Variants in DNMT1 observed in about 807,000 individuals in gnomAD.
DNMT1 encodes the protein DNA methyltransferase 1.
DNMT1 carries 24 observed loss-of-function variants against 205.3 expected under a neutral mutation model. The observed-to-expected ratio is 0.12, with a 90% CI of 0.08 to 0.16. The LOEUF (loss-of-function observed/expected upper bound fraction) is 0.16. DNMT1 is among the 10% of genes least tolerant of loss of function. The probability of loss-of-function intolerance (pLI) is 1.00; values close to 1 mark genes in which losing one functional copy is unlikely to be tolerated. For missense variants in DNMT1, 1,293 were observed against 2,177.7 expected (o/e 0.59, Z 8.09); for synonymous variants, 817 against 839.8 (o/e 0.97, Z 0.47).
rs2089649157 is a variant in DNMT1 at position 10,143,850 on chromosome 19, C to T, written c.3032G>A (p.Arg1011Gln). 2 of 1,614,114 alleles carry T rather than the reference C, an allele frequency of 1.2e-6. No homozygotes were observed. Among genetic ancestry groups the T allele is most frequent in the Non-Finnish European group, 1.7e-6 (2 of 1,180,018 alleles). Residue 1011 changes from arginine to glutamine, a missense_variant, in exon 29 of 41, where the codon CGG (arginine) becomes CAG (glutamine). This residue lies in a region of DNMT1 where 167 missense variants were observed against 258.1 expected (regional missense o/e 0.65). Transcript: ENST00000359526. ...LDAPEPYRIG[R>Q]IKEIFCPKKS... ...CTTGGGACAGAAGATCTCTTTGATC[C>T]GGCCAATTCGGTAGGGCTCAGGGGC...
chr19:10,137,953 G>C lies in DNMT1; in HGVS notation c.4172C>G (p.Pro1391Arg), dbSNP rs1382078791. 1.2e-6 allele frequency: 2 copies of C among 1,611,712 alleles called. No individual in the cohort carries two copies. Among genetic ancestry groups the C allele is most frequent in the Non-Finnish European group, 1.7e-6 (2 of 1,179,232 alleles). ...ITVRDTMSDL[P>R]EVRNGASALE... ...TGCCGAGGCTCCATTCCGCACCTCC[G>C]GCAGGTCGGACATCGTGTCTCGCAC... The change falls in exon 36 of 41, where the codon CCG (proline) becomes CGG (arginine). Residue 1391 changes from proline (P) to arginine (R), a missense_variant. Physicochemically the swap from Pro to Arg is moderately radical, Grantham distance 103 (BLOSUM62 -2). Coordinates refer to ENST00000359526, the MANE Select transcript of DNMT1 (RefSeq NM_001130823.3). The surrounding 1 kb of genome is among the most constrained non-coding windows in gnomAD (Gnocchi z 6.4).
At chr19:10,139,914 C>G (rs974704900) in intron 33 of DNMT1, 97 bp from the exon 34 acceptor site, 2 of 1,575,184 alleles carry the variant, frequency 1.3e-6, no homozygotes, top group Non-Finnish European at 1.7e-6. Context: ...TTATCAAAGT[C>G]TCTCCCTGGT....
At chr19:10,173,745 G>T in intron 8 of DNMT1, 126 bp downstream of exon 8, 1 of 999,874 alleles carries the variant, frequency 1.0e-6, no homozygotes, top group Non-Finnish European at 1.6e-6. Flanking sequence ...GCCCATCTTG[G>T]CCTCCCAAAG....
intron 1 of DNMT1, among the ~76,000 whole-genome samples, chr19:10,193,665 CA>C (rs35583463): frequency 0.18 from 19,416 of 105,912 alleles, 1,735 homozygotes; most frequent in East Asian, 0.46. Context: ...ACCCAGCCTT[CA>C]AAAAAAAAAA....
At position 10,160,247 on chromosome 19, in the gene DNMT1, G is replaced by T. The variant is rs898838273; in HGVS notation, c.1043+137C>A. The T allele has an allele frequency of 1.9e-5, 28 of 1,512,596 alleles. No individual in the cohort carries two copies. The South Asian group carries it at 3.2e-4, about 17-fold the overall frequency. The allele number at this position is 1,512,596 out of a possible 1,614,324, so 93.7% of individuals were successfully genotyped here. The stretch of plus-strand genomic sequence containing the variant: ...AGGGGCATCCTGCCTGACGCACCTT[G>T]GTCCTATGTTCACCAACCCGATCCA... On this transcript the variant is annotated intron_variant, in intron 14 of 40. Transcript: ENST00000359526.
At chr19:10,139,392 G>A (rs547188976) in intron 34 of DNMT1, among the ~76,000 whole-genome samples, 54 of 152,220 alleles carry the variant, frequency 3.5e-4, no homozygotes, top group African/African-American at 1.2e-3. Context: ...CTTCCCCATC[G>A]AGGGAAAGGA....
At chr19:10,149,150 C>T in intron 26 of DNMT1, 133 bp from the exon 27 acceptor site, 3 of 1,280,362 alleles carry the variant, frequency 2.3e-6, no homozygotes, top group South Asian at 1.3e-5. Flanking sequence ...ATGGTGAAAC[C>T]CCGTCTCTAC....
chr19:10,138,558 C>G lies in DNMT1; in HGVS notation c.3996G>C (p.Leu1332=). 1 of 1,610,342 alleles carries G rather than the reference C, an allele frequency of 6.2e-7. No individual in the cohort carries two copies. The highest frequency in any genetic ancestry group is 8.5e-7 in the Non-Finnish European group (1 of 1,180,006). ...VAQTRRRAII[L]AAAPGEKLPL... ...GGAGCTTCTCTCCAGGGGCCGCGGC[C>G]AGGATGATGGCCCGCCTCCTAGTCT... Residue 1332 remains leucine (L), a synonymous_variant, in exon 35 of 41, where the codon CTG becomes CTC. Coordinates refer to ENST00000359526, the MANE Select transcript of DNMT1 (RefSeq NM_001130823.3). The surrounding 1 kb of genome is among the most constrained non-coding windows in gnomAD (Gnocchi z 4.1).
Position 10,140,002 on chromosome 19 carries a change from G to T in DNMT1, c.3806+44C>A. ...ATGACCACTGCTGACATGCGGCACA[G>T]CCCCGGGCCGTCTGGCAACACTGGG... is the stretch of plus-strand genomic sequence containing the variant. On this transcript the variant is annotated intron_variant, in intron 33 of 40. Transcript: ENST00000359526. The surrounding 1 kb of genome is among the most constrained non-coding windows in gnomAD (Gnocchi z 8.4). 6.2e-7 allele frequency: 1 copy of T among 1,602,260 alleles called. No homozygotes were observed.
chr19:10,133,449 T>TA lies in DNMT1; in HGVS notation c.*217dup, dbSNP rs1250709243. The TA allele has an allele frequency of 3.5e-5, 21 of 599,976 alleles. No homozygotes were observed. The East Asian group carries it at 5.2e-4, about 15-fold the overall frequency. The allele number at this position is 599,976 out of a possible 1,614,324, so 37.2% of individuals were successfully genotyped here. A position where few individuals can be genotyped will look rare whatever the true frequency, so the allele number is the denominator to read the frequency against. On this transcript the variant is annotated 3_prime_UTR_variant, in exon 41 of 41. Transcript: ENST00000359526. This position sits in a 1 kb window ranked among gnomAD's most constrained non-coding sequence, Gnocchi z 4.1. ...GTGGTAGATTTGATATAATGCATAATAAAAAACTTTTAAAATCCAGAATGC... is the reference window on the plus strand; with the variant it reads ...GTGGTAGATTTGATATAATGCATAATAAAAAAACTTTTAAAATCCAGAATGC...
chr19:10,188,436 A>C (rs2039236577), intron 1 of DNMT1, among the ~76,000 whole-genome samples: 1 of 151,986 alleles, frequency 6.6e-6, no homozygotes, highest in Non-Finnish European at 1.5e-5. Flanking sequence ...GCTACTCAAG[A>C]GGCTGAGGCA....
rs2089546732 is a variant in DNMT1 at position 10,138,854 on chromosome 19, T to C, written c.3949-249A>G. Among the ~76,000 whole-genome samples, 1 of 152,138 alleles carries C rather than the reference T, an allele frequency of 6.6e-6. No homozygotes were observed. Among genetic ancestry groups the C allele is most frequent in the Admixed American group, 6.5e-5 (1 of 15,276 alleles). ...GGTGGGAGCAAACCCTGCGGGGAAG[T>C]CCGGCCAGCTCTGAAAGCACTGCAA... On this transcript the variant is annotated intron_variant, in intron 34 of 40. Coordinates refer to ENST00000359526, the MANE Select transcript of DNMT1 (RefSeq NM_001130823.3). The surrounding 1 kb of genome is among the most constrained non-coding windows in gnomAD (Gnocchi z 4.1).
At chr19:10,171,615 C>A (rs1299391756) in intron 9 of DNMT1, among the ~76,000 whole-genome samples, 1 of 151,934 alleles carries the variant, frequency 6.6e-6, no homozygotes, top group Admixed American at 6.6e-5. Flanking sequence ...ACCATCCTGG[C>A]TAACGTGGTG....
At chr19:10,162,817 A>G in intron 12 of DNMT1, 69 bp from the exon 13 acceptor site, 1 of 1,544,158 alleles carries the variant, frequency 6.5e-7, no homozygotes, top group Non-Finnish European at 8.9e-7. Context: ...ACTCGCACGG[A>G]AAGTGACAAA....
At chr19:10,173,973 G>T in intron 7 of DNMT1, 68 bp from the exon 8 acceptor site, 1 of 1,474,880 alleles carries the variant, frequency 6.8e-7, no homozygotes, top group Non-Finnish European at 9.5e-7. Context: ...AACACCAAAA[G>T]TGTGAGTTGA....
rs141886323 is a variant in DNMT1, at chr19:10,145,290, G to A, written c.2894+1061C>T. On this transcript the variant is annotated intron_variant, in intron 28 of 40. Coordinates refer to ENST00000359526, the MANE Select transcript of DNMT1 (RefSeq NM_001130823.3). Reference sequence around the variant, plus strand: ...CCCACTTTGCCAGGAGCAACTGGCAGAAAACACTACGGGGAGGTGTCCCCT... The same window carrying A: ...CCCACTTTGCCAGGAGCAACTGGCAAAAAACACTACGGGGAGGTGTCCCCT... 9.4e-3 allele frequency among the ~76,000 whole-genome samples: 1,425 copies of A among 152,354 alleles called. 10 individuals are homozygous for A. Among genetic ancestry groups the A allele is most frequent in the Non-Finnish European group, 0.013 (869 of 68,036 alleles).
At chr19:10,194,463 C>T (rs2039363510) in intron 1 of DNMT1, 2 of 192,402 alleles carry the variant, frequency 1.0e-5, no homozygotes, top group Admixed American at 6.2e-5. Context: ...CTGCCCACTT[C>T]CTGTGCGACC....
At chr19:10,163,063 C>T in intron 12 of DNMT1, 1 of 549,110 alleles carries the variant, frequency 1.8e-6, no homozygotes. Context: ...CTCCTGGCTT[C>T]TAGCAGTTCT....
Position 10,171,212 on chromosome 19 carries a change from C to G in DNMT1, c.768+1878G>C, listed in dbSNP as rs552511689. Among the ~76,000 whole-genome samples, 17 of 116,332 alleles carry G rather than the reference C, an allele frequency of 1.5e-4. No homozygotes were observed. In the South Asian group the frequency reaches 5.2e-3, roughly 35 times the overall value. The allele number at this position is 116,332 out of a possible 152,430, so 76.3% of individuals were successfully genotyped here. A position where few individuals can be genotyped will look rare whatever the true frequency, so the allele number is the denominator to read the frequency against. On this transcript the variant is annotated intron_variant, in intron 9 of 40. Transcript: ENST00000359526. ...CAGATTTTACAAAGAAGATGAGGGA[C>G]TGGGGAAAGAGCTGGTCTGACTTCA...
Sources: gnomAD v4.1 joint callset for allele counts (sites outside exome capture counted in the v4.1 genomes callset) on GRCh38, gnomAD v4.1.1 for gene constraint, gnomAD v4.1.1 regional missense constraint, Gnocchi (gnomAD v3.1) non-coding constraint, MANE v1.5 for transcripts, NCBI Gene and HGNC (gene_info 2026-07-23, HGNC 2026-07-21) for gene names.